Variants in LRP2 observed in about 807,000 individuals in gnomAD.
LRP2 encodes low-density lipoprotein receptor-related protein 2.
A neutral mutation model predicts 531.0 loss-of-function variants in LRP2; 172 were observed. The ratio of observed to expected loss-of-function variants is 0.32; its 90% CI spans 0.29 to 0.37. LRP2 has a LOEUF of 0.37. Ranked by LOEUF, LRP2 falls within the 10% of genes least tolerant of loss-of-function variation. The pLI is 1.00. For missense variants in LRP2, 5,167 were observed against 5,868.3 expected (o/e 0.88, Z 3.90); for synonymous variants, 1,992 against 2,027.6 (o/e 0.98, Z 0.47).
chr2:169,160,456 A>AAGG (rs1002004685), intron 63 of LRP2, among the ~76,000 whole-genome samples: 1 of 152,034 alleles, frequency 6.6e-6, no homozygotes, highest in African/African-American at 2.4e-5. Context: ...GAAGAAGATG[A>AAGG]AGGAGGAGGA....
At chr2:169,134,122 C>T (rs564229408) in intron 76 of LRP2, among the ~76,000 whole-genome samples, 91 of 152,294 alleles carry the variant, frequency 6.0e-4, no homozygotes, top group African/African-American at 2.0e-3. Context: ...GAGCCGGGAC[C>T]GTGCCCTGTA....
At chr2:169,328,201 G>C (rs866819397) in intron 1 of LRP2, among the ~76,000 whole-genome samples, 20 of 75,666 alleles carry the variant, frequency 2.6e-4, no homozygotes, top group Non-Finnish European at 2.5e-4. Flanking sequence ...GGGGGTCAGC[G>C]CCCCGCCCGG....
chr2:169,291,563 T>G (rs948778209), intron 7 of LRP2, among the ~76,000 whole-genome samples: 15 of 152,218 alleles, frequency 9.9e-5, no homozygotes, highest in Non-Finnish European at 2.2e-4. Context: ...TATTAGTAAC[T>G]GCTAAATTGT....
At chr2:169,278,792 C>CACTTCTCAAATGTGAAGATTGGGAA in intron 12 of LRP2, among the ~76,000 whole-genome samples, 1 of 152,288 alleles carries the variant, frequency 6.6e-6, no homozygotes, top group African/African-American at 2.4e-5. Context: ...TCTCCTATAA[C>CACTTCTCAAATGTGAAGATTGGGAA]ACTTCTCAAA....
intron 1 of LRP2, among the ~76,000 whole-genome samples, chr2:169,342,961 G>A (rs554254710): frequency 3.3e-5 from 5 of 152,306 alleles, no homozygotes; most frequent in African/African-American, 1.2e-4. Context: ...CATTGACTGT[G>A]ATTCTTACAT....
At chr2:169,232,720 T>C (rs3821128) in intron 30 of LRP2, among the ~76,000 whole-genome samples, 85,320 of 151,908 alleles carry the variant, frequency 0.56, 25,002 homozygotes, top group South Asian at 0.77. Context: ...ATGTTCCAGG[T>C]AGAGGGAAGA....
intron 34 of LRP2, among the ~76,000 whole-genome samples, chr2:169,220,148 C>G (rs1190706073): frequency 6.6e-6 from 1 of 152,152 alleles, no homozygotes. Flanking sequence ...CGTGTCCTTT[C>G]AAAGTCAGAA....
At chr2:169,324,559 T>C (rs1244580806) in intron 1 of LRP2, among the ~76,000 whole-genome samples, 1 of 150,702 alleles carries the variant, frequency 6.6e-6, no homozygotes, top group Non-Finnish European at 1.5e-5. Flanking sequence ...CGTTTTGAAA[T>C]CGGTAGTAAA....
intron 4 of LRP2, among the ~76,000 whole-genome samples, chr2:169,301,759 CCA>C (rs930636528): frequency 6.6e-6 from 1 of 152,066 alleles, no homozygotes; most frequent in Non-Finnish European, 1.5e-5. Flanking sequence ...CTCTTACACA[CCA>C]CTCTTTGTTC....
At chr2:169,279,978 G>A (rs563427928) in intron 11 of LRP2, among the ~76,000 whole-genome samples, 1 of 152,220 alleles carries the variant, frequency 6.6e-6, no homozygotes, top group East Asian at 1.9e-4. Context: ...AGAAGATGCA[G>A]GTAAAAATCT....
chr2:169,140,541 G>A lies in LRP2; in HGVS notation c.13113C>T (p.Ile4371=), dbSNP rs990626. The A allele has an allele frequency of 0.72, 1,154,972 of 1,610,642 alleles. 424,223 individuals are homozygous for A. Among genetic ancestry groups the A allele is most frequent in the South Asian group, 0.77 (70,364 of 90,980 alleles). The change falls in exon 72 of 79, where the codon ATC becomes ATT. Residue 4371 remains isoleucine, a synonymous_variant. Transcript: ENST00000649046. The part of the protein sequence containing the change: ...EGSTTECDAA[I]ELPINLPPPC... ...GGGGGGGCAGGTTGATAGGCAGTTC[G>A]ATGGCTGCAGGAAGGGAAAGCCATG...
Position 169,356,895 on chromosome 2 carries a change from C to T in LRP2, c.79+5426G>A, listed in dbSNP as rs991628483. Among the ~76,000 whole-genome samples, 13 of 152,262 alleles carry T rather than the reference C, an allele frequency of 8.5e-5. No individual in the cohort carries two copies. The East Asian group carries it at 2.3e-3, about 27-fold the overall frequency. ...GAATCTTAAATGCAAAACTGCAGTC[C>T]ATTTTAATTGCGAGATATGTAGACA... On this transcript the variant is annotated intron_variant, in intron 1 of 78. Transcript: ENST00000649046.
chr2:169,360,519 A>G (rs921364149), intron 1 of LRP2, among the ~76,000 whole-genome samples: 22 of 152,130 alleles, frequency 1.4e-4, no homozygotes, highest in African/African-American at 5.1e-4. Context: ...TAAATCATCA[A>G]CCCAGGAAAA....
Position 169,304,781 on chromosome 2 carries a change from A to G in LRP2, c.427+2500T>C, listed in dbSNP as rs140901792. On this transcript the variant is annotated intron_variant, in intron 4 of 78. Transcript: ENST00000649046. Reference sequence around the variant, plus strand: ...TATGCACATGTATGTTTATTGTAGCACTATTTATAATAGCAAAGACTTGGA... The same window carrying G: ...TATGCACATGTATGTTTATTGTAGCGCTATTTATAATAGCAAAGACTTGGA... Among the ~76,000 whole-genome samples, 567 of 152,334 alleles carry G rather than the reference A, an allele frequency of 3.7e-3. 3 individuals carry two copies. Among genetic ancestry groups the G allele is most frequent in the African/African-American group, 0.013 (541 of 41,578 alleles).
intron 50 of LRP2, among the ~76,000 whole-genome samples, chr2:169,183,938 G>A (rs868138102): frequency 2.6e-4 from 40 of 152,052 alleles, no homozygotes; most frequent in African/African-American, 9.2e-4. Context: ...TTCTGCCTTT[G>A]TGTTTTCAGG....
intron 29 of LRP2, 38 bp downstream of exon 29, chr2:169,235,802 C>T (rs758581125): frequency 1.4e-6 from 2 of 1,470,804 alleles, no homozygotes; most frequent in South Asian, 1.1e-5. Context: ...CTATCCACGA[C>T]TGTAGTTTTA....
Position 169,273,154 on chromosome 2 carries a change from A to G in LRP2, c.1976-87T>C, listed in dbSNP as rs191643004. ...AAGCCACTTCTAGCCCTTTTCACCT[A>G]TAGGTGAAATAGAGTAATGGATTAG... On this transcript the variant is annotated intron_variant, in intron 14 of 78. Coordinates refer to ENST00000649046, the MANE Select transcript of LRP2 (RefSeq NM_004525.3). The G allele has an allele frequency of 4.2e-6, 6 of 1,440,014 alleles. No individual in the cohort carries two copies. In the African/African-American group the frequency reaches 4.2e-5, roughly 10 times the overall value. The allele number at this position is 1,440,014 out of a possible 1,614,324, so 89.2% of individuals were successfully genotyped here.
intron 69 of LRP2, 141 bp downstream of exon 69, chr2:169,146,598 T>TG: frequency 3.2e-6 from 2 of 632,984 alleles, no homozygotes; most frequent in South Asian, 4.2e-5. Context: ...AGGTGGGAGT[T>TG]GGTGGGGGTG....
intron 47 of LRP2, among the ~76,000 whole-genome samples, chr2:169,192,938 C>G (rs1559007117): frequency 6.6e-6 from 1 of 152,058 alleles, no homozygotes; most frequent in Non-Finnish European, 1.5e-5. Flanking sequence ...AGTCTATTGC[C>G]CTACCATAGA....
Sources: gnomAD v4.1 joint callset for allele counts (sites outside exome capture counted in the v4.1 genomes callset) on GRCh38, gnomAD v4.1.1 for gene constraint, MANE v1.5 for transcripts, NCBI Gene and HGNC (gene_info 2026-07-23, HGNC 2026-07-21) for gene names.